ZFR2: variants seen among roughly 807,000 people sequenced by gnomAD.
ZFR2 encodes the protein zinc finger RNA binding protein 2.
A neutral mutation model predicts 105.7 loss-of-function variants in ZFR2; 104 were observed. That is an observed-to-expected ratio of 0.98 (90% CI 0.84 to 1.16). The LOEUF is 1.16. Ranked by LOEUF, ZFR2 falls within the 50% of genes most tolerant of loss-of-function variation. ZFR2 has a pLI of 0.00. For missense variants in ZFR2, 1,425 were observed against 1,355.5 expected, an observed-to-expected ratio of 1.05 and a Z score of -0.80; for synonymous variants, 634 against 597.7, an observed-to-expected ratio of 1.06 and a Z score of -0.89.
At chr19:3,828,361 T>A (rs2037975577) in intron 5 of ZFR2, among the ~76,000 whole-genome samples, 1 of 152,198 alleles carries the variant, frequency 6.6e-6, no homozygotes, top group African/African-American at 2.4e-5. Context: ...AGGCTCAGAC[T>A]GCTAGACATA....
chr19:3,817,476 T>C (rs1457628014), intron 12 of ZFR2, among the ~76,000 whole-genome samples: 1 of 151,212 alleles, frequency 6.6e-6, no homozygotes, highest in African/African-American at 2.4e-5. Flanking sequence ...GGAGAATCGC[T>C]TGAACCCAGG....
chr19:3,833,763 C>CGTAGCT lies in ZFR2; in HGVS notation c.274_279dup (p.Ser92_Tyr93dup). 6.3e-7 allele frequency: 1 copy of CGTAGCT among 1,576,612 alleles called. No homozygotes were observed. Among genetic ancestry groups the CGTAGCT allele is most frequent in the Non-Finnish European group, 8.6e-7 (1 of 1,160,718 alleles). On this transcript the variant is annotated inframe_insertion, in exon 3 of 19. Transcript: ENST00000262961. ...TAGCTCCTGGCAGCTGCTGACTGTC[C>CGTAGCT]GTAGCTGTAACTGTCCTATGTGGGG...
chr19:3,843,625 G>A (rs1277257633), intron 1 of ZFR2, among the ~76,000 whole-genome samples: 2 of 152,060 alleles, frequency 1.3e-5, no homozygotes, highest in Non-Finnish European at 2.9e-5. Flanking sequence ...GAGGTCAGGA[G>A]ATCGAGACCA....
rs2037915767 is a variant in ZFR2 at position 3,823,321 on chromosome 19, A to G, written c.1296T>C (p.Pro432=). ...GAGCTTCCTTTGAGCCTCCTTGGGT[A>G]GGTGCTCCGGGACCCTCTAATTTAG... The part of the protein sequence containing the change: ...AQPKLEGPGA[P]TQGGSKEAPA... Residue 432 remains proline, a synonymous_variant, in exon 8 of 19, where the codon CCT becomes CCC. Transcript: ENST00000262961. The surrounding 1 kb of genome is among the most constrained non-coding windows in gnomAD (Gnocchi z 5.4). 4 of 1,613,880 alleles carry G rather than the reference A, an allele frequency of 2.5e-6. No homozygotes were observed. Among genetic ancestry groups the G allele is most frequent in the East Asian group, 2.2e-5 (1 of 44,900 alleles).
chr19:3,842,017 T>A (rs1001454039), intron 1 of ZFR2, among the ~76,000 whole-genome samples: 7 of 151,616 alleles, frequency 4.6e-5, no homozygotes, highest in Non-Finnish European at 7.4e-5. Flanking sequence ...TGACTTTTTT[T>A]TTTTTATTTT....
intron 7 of ZFR2, among the ~76,000 whole-genome samples, chr19:3,824,395 C>T (rs1286930677): frequency 2.0e-5 from 3 of 152,276 alleles, no homozygotes; most frequent in Middle Eastern, 3.4e-3. Context: ...GGCATGTAAT[C>T]CTAGTTAACG....
rs866381846 is a variant in ZFR2, at chr19:3,814,037, G to A, written c.2104-79C>T. 7 of 1,576,416 alleles carry A rather than the reference G, an allele frequency of 4.4e-6. No individual in the cohort carries two copies. The Middle Eastern group carries it at 5.2e-4, about 118-fold the overall frequency. On this transcript the variant is annotated intron_variant, in intron 13 of 18. Coordinates refer to ENST00000262961, the MANE Select transcript of ZFR2 (RefSeq NM_015174.2). ...GTAAATCAGCCAGGATGTGGTTGGTGTGTGTAAATTAATCCCGTCGGGCCT... is the reference window on the plus strand; with the variant it reads ...GTAAATCAGCCAGGATGTGGTTGGTATGTGTAAATTAATCCCGTCGGGCCT...
chr19:3,825,374 T>TG lies in ZFR2; in HGVS notation c.1068dup (p.Ile357HisfsTer52), dbSNP rs1568422644. On this transcript the variant is annotated frameshift_variant, in exon 7 of 19. Coordinates refer to ENST00000262961, the MANE Select transcript of ZFR2 (RefSeq NM_015174.2). LOFTEE classifies it high-confidence loss of function. ...GCCAGTGCAGGCTCGAGGGTGGGAATGGGCTTCCCCAGTTTGGCGTGCAGC... is the reference window on the plus strand; with the variant it reads ...GCCAGTGCAGGCTCGAGGGTGGGAATGGGGCTTCCCCAGTTTGGCGTGCAGC... 6.3e-7 allele frequency: 1 copy of TG among 1,589,042 alleles called. No individual in the cohort carries two copies. The highest frequency in any genetic ancestry group is 8.5e-7 in the Non-Finnish European group (1 of 1,170,016).
At chr19:3,835,049 A>C in intron 1 of ZFR2, 66 bp from the exon 2 acceptor site, 1 of 1,525,280 alleles carries the variant, frequency 6.6e-7, no homozygotes, top group Non-Finnish European at 8.8e-7. Flanking sequence ...CACTGAGTTG[A>C]CGGTGTCAAT....
chr19:3,859,617 C>T (rs1407878899), intron 1 of ZFR2, among the ~76,000 whole-genome samples: 1 of 152,254 alleles, frequency 6.6e-6, no homozygotes, highest in African/African-American at 2.4e-5. Flanking sequence ...GCGTGAGCCA[C>T]ACCCAGGTGG....
chr19:3,861,010 C>T (rs1355140916), intron 1 of ZFR2, among the ~76,000 whole-genome samples: 1 of 152,170 alleles, frequency 6.6e-6, no homozygotes, highest in Non-Finnish European at 1.5e-5. Flanking sequence ...GCTCTTTATA[C>T]ATCCATGGCA....
chr19:3,861,475 A>G (rs542861181), intron 1 of ZFR2, among the ~76,000 whole-genome samples: 1 of 151,592 alleles, frequency 6.6e-6, no homozygotes, highest in African/African-American at 2.4e-5. Flanking sequence ...AAAATACAAC[A>G]TTTAGCCTGG....
chr19:3,850,633 G>T (rs1340215346), intron 1 of ZFR2, among the ~76,000 whole-genome samples: 1 of 151,932 alleles, frequency 6.6e-6, no homozygotes. Flanking sequence ...TCTAATCCCA[G>T]CACTTTGGGA....
chr19:3,846,911 T>C (rs546493786), intron 1 of ZFR2, among the ~76,000 whole-genome samples: 3 of 152,366 alleles, frequency 2.0e-5, no homozygotes, highest in Non-Finnish European at 4.4e-5. Context: ...CTTTAAACAC[T>C]GTGTCTGTGG....
At position 3,813,133 on chromosome 19, in the gene ZFR2, G is replaced by A. The variant is rs531144841; in HGVS notation, c.2242+687C>T. 8.5e-5 allele frequency among the ~76,000 whole-genome samples: 13 copies of A among 152,266 alleles called. No homozygotes were observed. The highest frequency in any genetic ancestry group is 3.1e-4 in the African/African-American group (13 of 41,572). On this transcript the variant is annotated intron_variant, in intron 14 of 18. Transcript: ENST00000262961. The surrounding 1 kb of genome is among the most constrained non-coding windows in gnomAD (Gnocchi z 4.4). ...TCGATTGAAAGAGAAACATCAGTAG[G>A]TCATGGCCCTCAGTTATGACCAAAA...
chr19:3,837,994 G>A lies in ZFR2; in HGVS notation c.54-3011C>T, dbSNP rs959238660. On this transcript the variant is annotated intron_variant, in intron 1 of 18. Coordinates refer to ENST00000262961, the MANE Select transcript of ZFR2 (RefSeq NM_015174.2). Reference sequence around the variant, plus strand: ...AATGGACACCATGACTGTAACACACGATGAATGTGACTGTGACACTTGATG... The same window carrying A: ...AATGGACACCATGACTGTAACACACAATGAATGTGACTGTGACACTTGATG... Among the ~76,000 whole-genome samples, 9 of 151,162 alleles carry A rather than the reference G, an allele frequency of 6.0e-5. No homozygotes were observed. In the South Asian group the frequency reaches 8.4e-4, roughly 14 times the overall value.
chr19:3,819,195 A>G lies in ZFR2; in HGVS notation c.1781T>C (p.Met594Thr). ...GGGGTAGATGGTGGCGTGCTTGCAC[A>G]TGACGTGCCGGTCGTCGCTGGACGC... is the stretch of plus-strand genomic sequence containing the variant. ...RPASSDDRHV[M>T]CKHATIYPTE... Residue 594 changes from methionine (M) to threonine (T), a missense_variant, in exon 12 of 19, where the codon ATG becomes ACG. Met to Thr is a moderately conservative substitution (Grantham distance 81). Transcript: ENST00000262961. 6.3e-7 allele frequency: 1 copy of G among 1,583,544 alleles called. No homozygotes were observed. The highest frequency in any genetic ancestry group is 8.5e-7 in the Non-Finnish European group (1 of 1,170,494).
rs750457261 is a variant in ZFR2, at chr19:3,822,126, C to T, written c.1446G>A (p.Ala482=). Residue 482 remains alanine (A), a synonymous_variant, in exon 9 of 19, where the codon GCG becomes GCA. Transcript: ENST00000262961. The stretch of plus-strand genomic sequence containing the variant: ...GCCGCCCCCTCACGTGCAGGTCCTT[C>T]GCGTTAAGGTCGTTGAAACTGCACT... ...LCECSFNDLN[A]KDLHVRGRRH... 2 of 1,610,376 alleles carry T rather than the reference C, an allele frequency of 1.2e-6. No homozygotes were observed. Among genetic ancestry groups the T allele is most frequent in the South Asian group, 1.1e-5 (1 of 90,150 alleles).
intron 5 of ZFR2, among the ~76,000 whole-genome samples, chr19:3,828,729 C>T (rs767793846): frequency 2.0e-4 from 31 of 152,148 alleles, no homozygotes; most frequent in Non-Finnish European, 4.4e-4. Flanking sequence ...ACAGACAAGA[C>T]GTGGCAGGAG....
Sources: gnomAD v4.1 joint callset for allele counts (sites outside exome capture counted in the v4.1 genomes callset) on GRCh38, gnomAD v4.1.1 for gene constraint, Gnocchi (gnomAD v3.1) non-coding constraint, MANE v1.5 for transcripts, NCBI Gene and HGNC (gene_info 2026-07-23, HGNC 2026-07-21) for gene names.